Variants in KRABD4 observed in about 807,000 individuals in gnomAD.
KRABD4 encodes the protein KRAB domain containing 4.
chrX:46,454,116 C>A, the KRABD4 span: 1 of 152,909 alleles, frequency 6.5e-6, no homozygotes, highest in South Asian at 1.6e-4. Flanking sequence ...TTTCTTCTAC[C>A]TCATTTGTTC....
At chrX:46,456,754 G>A in the KRABD4 span, 1 of 303,546 alleles carries the variant, frequency 3.3e-6, no homozygotes. Context: ...CTTTCCTGTT[G>A]TTGAGGTTGT....
chrX:46,468,278 T>C, the KRABD4 span, among the ~76,000 whole-genome samples: 1 of 111,674 alleles, frequency 9.0e-6, no homozygotes, highest in Non-Finnish European at 1.9e-5. Context: ...CTCACACCTA[T>C]AATCCCAGCA....
the KRABD4 span, among the ~76,000 whole-genome samples, chrX:46,458,977 G>A: frequency 1.3e-4 from 13 of 99,291 alleles, no homozygotes; most frequent in Non-Finnish European, 2.4e-4. Flanking sequence ...AGAATGTCTG[G>A]GATACTTTTG....
the KRABD4 span, chrX:46,462,522 A>AT: frequency 2.2e-6 from 1 of 463,971 alleles, no homozygotes; most frequent in Non-Finnish European, 3.5e-6. Context: ...AAAAAAAAAA[A>AT]GAAAGAAAGG....
At chrX:46,448,555 C>A in the KRABD4 span, 1 of 113,304 alleles carries the variant, frequency 8.8e-6, no homozygotes, top group Non-Finnish European at 1.9e-5. Context: ...TCCCTCACTT[C>A]AGCTGAGACA....
the KRABD4 span, chrX:46,457,155 C>T: frequency 1.0e-3 from 294 of 287,121 alleles, 1 homozygote; most frequent in Non-Finnish European, 5.5e-4. Flanking sequence ...ACTGATAAAG[C>T]GGAGAATTCC....
At chrX:46,466,925 C>T in the KRABD4 span, among the ~76,000 whole-genome samples, 10 of 112,248 alleles carry the variant, frequency 8.9e-5, no homozygotes. Context: ...CAGTCTTTCT[C>T]CTCATCCCAG....
At chrX:46,473,548 A>C in the KRABD4 span, 2 of 586,864 alleles carry the variant, frequency 3.4e-6, no homozygotes, top group Non-Finnish European at 5.2e-6. Flanking sequence ...ATCAACTCTC[A>C]TTGTATGTCA....
At chrX:46,458,856 A>T in the KRABD4 span, among the ~76,000 whole-genome samples, 1 of 111,668 alleles carries the variant, frequency 9.0e-6, no homozygotes, top group Non-Finnish European at 1.9e-5. Context: ...GATAAAAATG[A>T]CCCCTGATTG....
At chrX:46,454,242 G>T in the KRABD4 span, 1 of 157,152 alleles carries the variant, frequency 6.4e-6, no homozygotes. Flanking sequence ...CTGTAGCTGT[G>T]CCAGCCTCTG....
chrX:46,454,666 G>C, the KRABD4 span, among the ~76,000 whole-genome samples: 1 of 110,683 alleles, frequency 9.0e-6, no homozygotes, highest in Non-Finnish European at 1.9e-5. Context: ...GCTGGGCGTG[G>C]TGGTGCGTGC....
the KRABD4 span, among the ~76,000 whole-genome samples, chrX:46,449,737 G>A: frequency 8.9e-6 from 1 of 112,076 alleles, no homozygotes; most frequent in Non-Finnish European, 1.9e-5. Flanking sequence ...TGTCCTCTTT[G>A]CTGGATATTT....
At chrX:46,457,396 A>G in the KRABD4 span, among the ~76,000 whole-genome samples, 3 of 112,180 alleles carry the variant, frequency 2.7e-5, no homozygotes, top group Non-Finnish European at 3.8e-5. Flanking sequence ...CAAAGGATTC[A>G]TATATAGAAA....
chrX:46,447,755 T>C, the KRABD4 span, among the ~76,000 whole-genome samples: 1 of 112,366 alleles, frequency 8.9e-6, no homozygotes, highest in East Asian at 2.8e-4. Context: ...TGGCTCAGTG[T>C]GGCTTGACAA....
At chrX:46,472,690 T>C in the KRABD4 span, 242 of 1,150,354 alleles carry the variant, frequency 2.1e-4, 1 homozygote, top group Non-Finnish European at 2.7e-4. Flanking sequence ...ATTAATGTTA[T>C]TCCATAACAT....
chrX:46,447,878 C>G, the KRABD4 span, among the ~76,000 whole-genome samples: 3 of 107,805 alleles, frequency 2.8e-5, no homozygotes, highest in African/African-American at 1.1e-4. Context: ...ACTAGAAACT[C>G]TGCGGGAGCT....
chrX:46,463,237 G>A, the KRABD4 span: 1 of 1,212,025 alleles, frequency 8.3e-7, no homozygotes, highest in Non-Finnish European at 1.1e-6. Flanking sequence ...TTCAGGTTGG[G>A]ACCAGGTGAA....
At chrX:46,451,982 A>C in the KRABD4 span, among the ~76,000 whole-genome samples, 6 of 112,140 alleles carry the variant, frequency 5.4e-5, no homozygotes, top group African/African-American at 1.6e-4. Flanking sequence ...GTCTGGCTCT[A>C]TCCCCCAGGC....
the KRABD4 span, chrX:46,474,146 A>G: frequency 8.9e-6 from 1 of 112,070 alleles, no homozygotes; most frequent in Non-Finnish European, 1.9e-5. Context: ...AATAAGTTAT[A>G]AAGTGCTTCC....
Sources: allele counts gnomAD v4.1 joint callset (sites outside exome capture counted in the v4.1 genomes callset), GRCh38; gene constraint gnomAD v4.1.1; transcripts MANE v1.5; gene names NCBI Gene and HGNC (gene_info 2026-07-23, HGNC 2026-07-21).